R3HCC1L: variants seen among roughly 807,000 people sequenced by gnomAD.
R3HCC1L encodes coiled-coil domain-containing protein R3HCC1L.
A neutral mutation model predicts 59.9 loss-of-function variants in R3HCC1L; 51 were observed. The observed-to-expected ratio is 0.85, with a 90% CI of 0.68 to 1.07. The LOEUF is 1.07. Ranked by LOEUF, R3HCC1L falls within the 50% of genes least tolerant of loss-of-function variation. The probability of loss-of-function intolerance (pLI) is 0.00; values close to 1 mark genes in which losing one functional copy is unlikely to be tolerated. For synonymous variants in R3HCC1L, 322 were observed against 315.2 expected, an observed-to-expected ratio of 1.02 and a Z score of -0.23; for missense variants, 965 against 933.0, an observed-to-expected ratio of 1.03 and a Z score of -0.45.
intron 5 of R3HCC1L, among the ~76,000 whole-genome samples, chr10:98,213,303 A>G (rs1214813467): frequency 6.6e-6 from 1 of 152,166 alleles, no homozygotes; most frequent in African/African-American, 2.4e-5. Context: ...TGTTGTTATC[A>G]CTGCTATGTT....
chr10:98,224,039 C>T (rs1855376353), intron 5 of R3HCC1L, among the ~76,000 whole-genome samples: 1 of 151,960 alleles, frequency 6.6e-6, no homozygotes, highest in Non-Finnish European at 1.5e-5. Context: ...CCTGATGTTG[C>T]ACTTGAATGC....
intron 4 of R3HCC1L, among the ~76,000 whole-genome samples, chr10:98,167,867 C>G (rs911453861): frequency 1.3e-5 from 2 of 152,190 alleles, no homozygotes; most frequent in African/African-American, 4.8e-5. Context: ...GAGATTGAGT[C>G]TGGTGGCTTC....
intron 4 of R3HCC1L, among the ~76,000 whole-genome samples, chr10:98,200,044 T>C (rs757821799): frequency 6.6e-5 from 10 of 152,062 alleles, no homozygotes; most frequent in Non-Finnish European, 1.3e-4. Context: ...CTTTCTCAAT[T>C]CTTATTCTAT....
At chr10:98,219,457 A>ATAC (rs1854613762) in intron 5 of R3HCC1L, among the ~76,000 whole-genome samples, 1 of 152,172 alleles carries the variant, frequency 6.6e-6, no homozygotes, top group South Asian at 2.1e-4. Context: ...CCTTATTGAT[A>ATAC]GGTAAGGACT....
chr10:98,141,063 A>G (rs1378728436), intron 1 of R3HCC1L, among the ~76,000 whole-genome samples: 1 of 152,062 alleles, frequency 6.6e-6, no homozygotes, highest in African/African-American at 2.4e-5. Context: ...ACTAAAGCCC[A>G]TCTACTTTCC....
In R3HCC1L at chr10:98,199,426, A is replaced by G. The variant is rs371258810; in HGVS notation, c.-14-8675A>G. Among the ~76,000 whole-genome samples the G allele has an allele frequency of 4.0e-5, 6 of 151,822 alleles. No homozygotes were observed. In the South Asian group the frequency reaches 1.0e-3, roughly 26 times the overall value. On this transcript the variant is annotated intron_variant, in intron 4 of 9. Transcript: ENST00000298999. ...TCCTATTATGCTAAAACAATAGCGT[A>G]TCTTTAAATTTTAGTGATTTTTTTT...
Position 98,208,211 on chromosome 10 carries a change from A to G in R3HCC1L, c.97A>G (p.Thr33Ala). 1 of 1,614,108 alleles carries G rather than the reference A, an allele frequency of 6.2e-7. No individual in the cohort carries two copies. The highest frequency in any genetic ancestry group is 1.1e-5 in the South Asian group (1 of 91,080). Reference sequence around the variant, plus strand: ...TCGTAGGGGTGCAGTACTCCTTAAGACAGGTGATGAAGAAGAAAGCTGTGG... The same window carrying G: ...TCGTAGGGGTGCAGTACTCCTTAAGGCAGGTGATGAAGAAGAAAGCTGTGG... ...KARRGAVLLK[T>A]GDEEESCGSP... Residue 33 changes from threonine to alanine, a missense_variant, in exon 5 of 10, where the codon ACA (threonine) becomes GCA (alanine). Physicochemically the swap from Thr to Ala is moderately conservative, Grantham distance 58. Transcript: ENST00000298999.
chr10:98,183,556 T>G (rs758030086), intron 4 of R3HCC1L, among the ~76,000 whole-genome samples: 1 of 152,192 alleles, frequency 6.6e-6, no homozygotes, highest in Non-Finnish European at 1.5e-5. Flanking sequence ...TGTTTCTGTC[T>G]TATTGTCTCT....
At position 98,137,210 on chromosome 10, in the gene R3HCC1L, CA is replaced by C. The variant is rs954052490; in HGVS notation, c.-268+2516del. On this transcript the variant is annotated intron_variant, in intron 1 of 9. Transcript: ENST00000298999. Reference sequence around the variant, plus strand: ...TGGCGACAGAGCAAGACTCCCGTCTCAAAAAAAAAAAAGTTTGTAAGCATTT... The same window carrying C: ...TGGCGACAGAGCAAGACTCCCGTCTCAAAAAAAAAAAGTTTGTAAGCATTT... Among the ~76,000 whole-genome samples the C allele has an allele frequency of 2.8e-3, 401 of 144,262 alleles. 2 individuals are homozygous for C. Among genetic ancestry groups the C allele is most frequent in the African/African-American group, 8.1e-3 (320 of 39,692 alleles). The allele number at this position is 144,262 out of a possible 152,430, so 94.6% of individuals were successfully genotyped here.
intron 5 of R3HCC1L, among the ~76,000 whole-genome samples, chr10:98,219,508 T>G (rs1854618819): frequency 6.6e-6 from 1 of 152,226 alleles, no homozygotes; most frequent in African/African-American, 2.4e-5. Context: ...TTTTGTTTCT[T>G]TCTTCCTATC....
chr10:98,144,598 C>T (rs567573694), intron 1 of R3HCC1L, among the ~76,000 whole-genome samples: 1 of 152,306 alleles, frequency 6.6e-6, no homozygotes, highest in Admixed American at 6.5e-5. Flanking sequence ...CCTTGCCAAA[C>T]TGAAAACTAG....
chr10:98,177,424 C>CT (rs1452586529), intron 4 of R3HCC1L, among the ~76,000 whole-genome samples: 5 of 152,234 alleles, frequency 3.3e-5, no homozygotes, highest in Admixed American at 6.5e-5. Flanking sequence ...TTAATCCAGT[C>CT]TATCATTGAT....
At chr10:98,164,688 A>G (rs1466317817) in intron 4 of R3HCC1L, among the ~76,000 whole-genome samples, 1 of 152,196 alleles carries the variant, frequency 6.6e-6, no homozygotes, top group African/African-American at 2.4e-5. Flanking sequence ...AAGTCCCCAG[A>G]TGCAGTGCTG....
intron 2 of R3HCC1L, among the ~76,000 whole-genome samples, chr10:98,160,693 T>C (rs954302832): frequency 2.6e-5 from 4 of 152,204 alleles, no homozygotes; most frequent in Non-Finnish European, 5.9e-5. Flanking sequence ...TTATTTATTC[T>C]TCAGTATGTG....
intron 4 of R3HCC1L, among the ~76,000 whole-genome samples, chr10:98,204,482 G>C (rs529579930): frequency 7.2e-5 from 11 of 152,120 alleles, no homozygotes; most frequent in Middle Eastern, 3.4e-3. Context: ...TTAATCCAAG[G>C]TACATTTTAA....
At chr10:98,211,841 G>A (rs1187233926) in intron 5 of R3HCC1L, among the ~76,000 whole-genome samples, 1 of 152,110 alleles carries the variant, frequency 6.6e-6, no homozygotes, top group Admixed American at 6.6e-5. Context: ...GGGAGTTCAG[G>A]TGTACAACTC....
intron 4 of R3HCC1L, among the ~76,000 whole-genome samples, chr10:98,170,883 T>C (rs1848449438): frequency 6.6e-6 from 1 of 152,196 alleles, no homozygotes; most frequent in African/African-American, 2.4e-5. Flanking sequence ...CTGGGGCAGA[T>C]ACTAAAGAAA....
intron 2 of R3HCC1L, among the ~76,000 whole-genome samples, chr10:98,160,769 C>T (rs1034998395): frequency 1.3e-5 from 2 of 152,260 alleles, no homozygotes; most frequent in South Asian, 4.1e-4. Context: ...CACTGTCACC[C>T]ATTCCTTCTG....
At chr10:98,211,206 C>T in intron 5 of R3HCC1L, 3 of 672,956 alleles carry the variant, frequency 4.5e-6, no homozygotes, top group Non-Finnish European at 7.4e-6. Context: ...CAGTGATTTC[C>T]AAAGTATGGT....
Sources: allele counts gnomAD v4.1 joint callset (sites outside exome capture counted in the v4.1 genomes callset), GRCh38; gene constraint gnomAD v4.1.1; transcripts MANE v1.5; gene names NCBI Gene and HGNC (gene_info 2026-07-23, HGNC 2026-07-21).